CPEB4: variants seen among roughly 807,000 people sequenced by gnomAD.
The protein encoded by CPEB4 is cytoplasmic polyadenylation element binding protein 4.
CPEB4 carries 12 observed loss-of-function variants against 72.5 expected under a neutral mutation model. The observed-to-expected ratio is 0.17, with a 90% CI of 0.11 to 0.27. The LOEUF is 0.27. Ranked by LOEUF, CPEB4 falls within the 10% of genes least tolerant of loss-of-function variation. The pLI, the probability that CPEB4 is intolerant of heterozygous loss-of-function variation, is 1.00. For synonymous variants in CPEB4, 302 were observed against 326.3 expected, an observed-to-expected ratio of 0.93 and a Z score of 0.80; for missense variants, 614 against 908.5, an observed-to-expected ratio of 0.68 and a Z score of 4.17.
Position 173,890,223 on chromosome 5 carries a change from T to C in CPEB4, c.490T>C (p.Ser164Pro), listed in dbSNP as rs1755757672. 6.2e-7 allele frequency: 1 copy of C among 1,614,010 alleles called. No individual in the cohort carries two copies. The highest frequency in any genetic ancestry group is 8.5e-7 in the Non-Finnish European group (1 of 1,180,016). ...CCAACCCTTGACATCTAGCGCATCG[T>C]CTCTTACTGGTTTCAGTAACTGGTC... ...STQPLTSSAS[S>P]LTGFSNWSAA... is the part of the protein sequence containing the mutation. The change falls in exon 1 of 10, where the codon TCT (serine) becomes CCT (proline). Residue 164 changes from serine to proline, a missense_variant. Ser to Pro is a moderately conservative substitution (Grantham distance 74). Transcript: ENST00000265085.
intron 8 of CPEB4, among the ~76,000 whole-genome samples, chr5:173,952,821 A>G (rs568206516): frequency 1.1e-4 from 17 of 152,190 alleles, no homozygotes; most frequent in Non-Finnish European, 1.0e-4. Flanking sequence ...CCCTTTCAGC[A>G]CCTCAATTTC....
In CPEB4 at chr5:173,910,574, A is replaced by C; in HGVS notation, c.1177A>C (p.Ile393Leu). 1 of 1,611,846 alleles carries C rather than the reference A, an allele frequency of 6.2e-7. No homozygotes were observed. The highest frequency in any genetic ancestry group is 2.2e-5 in the East Asian group (1 of 44,852). ...MHSLESSLID[I>L]MRAENDTIKG... ...CTCACTGGAGAGTTCACTCATTGAC[A>C]TAATGAGAGCTGAAAATGATACCAT... The change falls in exon 2 of 10, where the codon ATA becomes CTA. Residue 393 changes from isoleucine to leucine, a missense_variant. This residue lies in a region of CPEB4 where 458 missense variants were observed against 548.6 expected (regional missense o/e 0.83). Transcript: ENST00000265085.
intron 1 of CPEB4, among the ~76,000 whole-genome samples, chr5:173,905,347 T>G (rs1459270369): frequency 1.3e-5 from 2 of 152,162 alleles, no homozygotes; most frequent in Non-Finnish European, 2.9e-5. Context: ...ATTGTCTTTT[T>G]TTTTTTGAGA....
intron 4 of CPEB4, among the ~76,000 whole-genome samples, chr5:173,943,701 T>A (rs1004851599): frequency 6.6e-6 from 1 of 152,206 alleles, no homozygotes; most frequent in African/African-American, 2.4e-5. Context: ...TTTTTTAAGA[T>A]CATTCATGAA....
intron 2 of CPEB4, among the ~76,000 whole-genome samples, chr5:173,931,931 G>A (rs1757459770): frequency 6.6e-6 from 1 of 152,112 alleles, no homozygotes. Flanking sequence ...TGCCTACTGT[G>A]CCCTGGGCTT....
In CPEB4 at chr5:173,939,296, A is replaced by G. The variant is rs140594252; in HGVS notation, c.1259-3730A>G. Among the ~76,000 whole-genome samples, 6 of 152,292 alleles carry G rather than the reference A, an allele frequency of 3.9e-5. No homozygotes were observed. In the East Asian group the frequency reaches 1.2e-3, roughly 29 times the overall value. On this transcript the variant is annotated intron_variant, in intron 3 of 9. Coordinates refer to ENST00000265085, the MANE Select transcript of CPEB4 (RefSeq NM_030627.4). Reference sequence around the variant, plus strand: ...AGGTACATGAACGTGAGCCACATTTAAAAATGCCACATGCTCAGTTAATAG... The same window carrying G: ...AGGTACATGAACGTGAGCCACATTTGAAAATGCCACATGCTCAGTTAATAG...
rs1758441978 is a variant in CPEB4, at chr5:173,958,321, C to T, written c.*2184C>T. 1 of 152,750 alleles carries T rather than the reference C, an allele frequency of 6.5e-6. No homozygotes were observed. Among genetic ancestry groups the T allele is most frequent in the Admixed American group, 6.6e-5 (1 of 15,262 alleles). The allele number at this position is 152,750 out of a possible 1,614,324, so 9.5% of individuals were successfully genotyped here. A position where few individuals can be genotyped will look rare whatever the true frequency, so the allele number is the denominator to read the frequency against. On this transcript the variant is annotated 3_prime_UTR_variant, in exon 10 of 10. Transcript: ENST00000265085. ...TTCCAACAGTGAACATTTTTAGGCACACTTTTCACTGACGGGATATCTCTT... is the reference window on the plus strand; with the variant it reads ...TTCCAACAGTGAACATTTTTAGGCATACTTTTCACTGACGGGATATCTCTT...
At chr5:173,947,065 A>C (rs1758045119) in intron 5 of CPEB4, among the ~76,000 whole-genome samples, 1 of 152,094 alleles carries the variant, frequency 6.6e-6, no homozygotes, top group Admixed American at 6.6e-5. Context: ...AGATGAAAAC[A>C]GCTCTGCCAG....
intron 2 of CPEB4, among the ~76,000 whole-genome samples, chr5:173,917,441 A>G (rs1756910049): frequency 6.6e-6 from 1 of 152,238 alleles, no homozygotes; most frequent in African/African-American, 2.4e-5. Context: ...ACCATAAAGA[A>G]GAAGTGGATA....
chr5:173,953,866 A>G (rs929460796), intron 9 of CPEB4, among the ~76,000 whole-genome samples: 4 of 152,126 alleles, frequency 2.6e-5, no homozygotes, highest in African/African-American at 9.7e-5. Flanking sequence ...TAGCAGATAG[A>G]ACTGTATCAC....
rs188830470 is a variant in CPEB4, at chr5:173,943,473, A to C, written c.1282+424A>C. Among the ~76,000 whole-genome samples, 490 of 152,214 alleles carry C rather than the reference A, an allele frequency of 3.2e-3. 1 individual carries two copies. Among genetic ancestry groups the C allele is most frequent in the Non-Finnish European group, 5.2e-3 (354 of 67,978 alleles). On this transcript the variant is annotated intron_variant, in intron 4 of 9. Transcript: ENST00000265085. The stretch of plus-strand genomic sequence containing the variant: ...TGTCAACTTTTTTCTTTTCTTTTTT[A>C]CTAAGTAAACAATACATGTGGTTTA...
At chr5:173,926,878 G>A (rs192949935) in intron 2 of CPEB4, among the ~76,000 whole-genome samples, 49 of 152,304 alleles carry the variant, frequency 3.2e-4, no homozygotes, top group African/African-American at 1.0e-3. Flanking sequence ...GCTGGGCACC[G>A]TGGCTCATGC....
chr5:173,898,279 C>T (rs1468783330), intron 1 of CPEB4, among the ~76,000 whole-genome samples: 2 of 151,926 alleles, frequency 1.3e-5, no homozygotes, highest in Non-Finnish European at 2.9e-5. Flanking sequence ...TGGTACTAGT[C>T]AGTAAAATAG....
chr5:173,926,403 A>G (rs1430603821), intron 2 of CPEB4, among the ~76,000 whole-genome samples: 1 of 152,182 alleles, frequency 6.6e-6, no homozygotes, highest in East Asian at 1.9e-4. Flanking sequence ...GCCCCCACCT[A>G]TTCTAAGTCA....
chr5:173,947,115 C>A (rs1054644067), intron 5 of CPEB4, among the ~76,000 whole-genome samples: 1 of 152,082 alleles, frequency 6.6e-6, no homozygotes, highest in Non-Finnish European at 1.5e-5. Context: ...CTTTTCTGTT[C>A]CTTTACCCTG....
At chr5:173,927,816 CTT>C (rs1339283039) in intron 2 of CPEB4, among the ~76,000 whole-genome samples, 1 of 151,964 alleles carries the variant, frequency 6.6e-6, no homozygotes, top group Non-Finnish European at 1.5e-5. Context: ...CTTGAGAAAA[CTT>C]ATGCCTACGC....
In CPEB4 at chr5:173,889,790, T is replaced by C; in HGVS notation, c.57T>C (p.Ala19=). The change falls in exon 1 of 10, where the codon GCT becomes GCC. Residue 19 remains alanine (A), a synonymous_variant. Coordinates refer to ENST00000265085, the MANE Select transcript of CPEB4 (RefSeq NM_030627.4). ...LVQSNTGNKS[A]FPVRFHPHLQ... is the part of the protein sequence containing the mutation. ...AAAGCAATACTGGGAATAAATCTGC[T>C]TTTCCAGTCAGATTCCATCCACATC... 1 of 1,613,970 alleles carries C rather than the reference T, an allele frequency of 6.2e-7. No individual in the cohort carries two copies. The highest frequency in any genetic ancestry group is 8.5e-7 in the Non-Finnish European group (1 of 1,179,930).
chr5:173,917,576 A>T (rs557822377), intron 2 of CPEB4, among the ~76,000 whole-genome samples: 7 of 152,330 alleles, frequency 4.6e-5, no homozygotes, highest in Admixed American at 3.3e-4. Flanking sequence ...AAATGTAAAA[A>T]TTAGCAGGGC....
rs1399935690 is a variant in CPEB4 at position 173,960,050 on chromosome 5, G to A, written c.*3913G>A. On this transcript the variant is annotated 3_prime_UTR_variant, in exon 10 of 10. Transcript: ENST00000265085. ...TATAGTTTTTACTGTGTATGGGGAG[G>A]TTGTAGTATTTATTATAGCATTTTA... 1 of 152,548 alleles carries A rather than the reference G, an allele frequency of 6.6e-6. No individual in the cohort carries two copies. The highest frequency in any genetic ancestry group is 1.5e-5 in the Non-Finnish European group (1 of 67,974). The allele number at this position is 152,548 out of a possible 1,614,324, so 9.4% of individuals were successfully genotyped here.
Sources: allele counts gnomAD v4.1 joint callset (sites outside exome capture counted in the v4.1 genomes callset), GRCh38; gene constraint gnomAD v4.1.1; regional missense constraint gnomAD v4.1.1; transcripts MANE v1.5; gene names NCBI Gene and HGNC (gene_info 2026-07-23, HGNC 2026-07-21).